The following TCF7L2 variants were observed in gnomAD, a reference collection of about 807,000 sequenced individuals.
TCF7L2 encodes the protein transcription factor 7 like 2.
In TCF7L2, 23 loss-of-function variants were observed where a neutral mutation model predicts 77.9. The observed-to-expected ratio is 0.30, with a 90% CI of 0.21 to 0.42. The LOEUF is 0.42. Among genes scored for constraint, TCF7L2 ranks in the 10% least tolerant of loss-of-function variants. The pLI, the probability that TCF7L2 is intolerant of heterozygous loss-of-function variation, is 1.00. For missense variants in TCF7L2, 654 were observed against 793.1 expected, an observed-to-expected ratio of 0.82 and a Z score of 2.11; for synonymous variants, 413 against 340.2, an observed-to-expected ratio of 1.21 and a Z score of -2.36.
chr10:113,002,167 A>T (rs1381051276), intron 4 of TCF7L2, among the ~76,000 whole-genome samples: 4 of 152,188 alleles, frequency 2.6e-5, no homozygotes, highest in East Asian at 1.9e-4. Context: ...CGGACTTCAT[A>T]CAAAGGTATC....
intron 5 of TCF7L2, among the ~76,000 whole-genome samples, chr10:113,107,571 G>A (rs2062506135): frequency 6.6e-6 from 1 of 151,246 alleles, no homozygotes; most frequent in African/African-American, 2.4e-5. Flanking sequence ...GTGAAACCCT[G>A]TCTCCACTAA....
chr10:113,024,641 CAG>C (rs765727770), intron 4 of TCF7L2, among the ~76,000 whole-genome samples: 156 of 105,538 alleles, frequency 1.5e-3, no homozygotes, highest in Non-Finnish European at 1.4e-3. Context: ...TTTTTTGAGA[CAG>C]AGTTTCACGC....
chr10:113,135,034 G>A lies in TCF7L2; in HGVS notation c.553-6150G>A, dbSNP rs140421402. Among the ~76,000 whole-genome samples, 124 of 152,330 alleles carry A rather than the reference G, an allele frequency of 8.1e-4. 1 individual carries two copies. The highest frequency in any genetic ancestry group is 3.4e-3 in the Middle Eastern group (1 of 294). On this transcript the variant is annotated intron_variant, in intron 5 of 13. Transcript: ENST00000627217. ...CAGTGTCTGTTGATTAATAGGTTGC[G>A]GAGGTGAATGGCAAGCTTTCATTCC...
chr10:113,106,873 G>T (rs290477), intron 5 of TCF7L2, among the ~76,000 whole-genome samples: 43,312 of 152,110 alleles, frequency 0.28, 6,239 homozygotes, highest in Middle Eastern at 0.41. Context: ...ATGATCCTTT[G>T]AAAACAAGTT....
chr10:113,001,068 T>G (rs2044383442), intron 4 of TCF7L2, among the ~76,000 whole-genome samples: 2 of 152,248 alleles, frequency 1.3e-5, no homozygotes, highest in Admixed American at 1.3e-4. Flanking sequence ...TCAGGAATGC[T>G]TCCTGCAACC....
At chr10:113,093,712 T>C (rs369624114) in intron 5 of TCF7L2, among the ~76,000 whole-genome samples, 1 of 152,182 alleles carries the variant, frequency 6.6e-6, no homozygotes, top group East Asian at 1.9e-4. Flanking sequence ...TAGCTATTCA[T>C]GTACATTTTA....
intron 4 of TCF7L2, among the ~76,000 whole-genome samples, chr10:113,000,344 C>T (rs900585584): frequency 2.0e-5 from 3 of 152,180 alleles, no homozygotes; most frequent in African/African-American, 4.8e-5. Flanking sequence ...TTAGACACTA[C>T]TTTGTAGGTT....
At position 112,962,204 on chromosome 10, in the gene TCF7L2, A is replaced by G. The variant is rs559281614; in HGVS notation, c.382-2352A>G. Reference sequence around the variant, plus strand: ...GGTGTCCACTCAATTTTAATTGACAATATAAGATTCCTATGGTAACCCTGT... The same window carrying G: ...GGTGTCCACTCAATTTTAATTGACAGTATAAGATTCCTATGGTAACCCTGT... On this transcript the variant is annotated intron_variant, in intron 3 of 13. Transcript: ENST00000627217. Among the ~76,000 whole-genome samples, 10 of 152,302 alleles carry G rather than the reference A, an allele frequency of 6.6e-5. 1 individual carries two copies. Among genetic ancestry groups the G allele is most frequent in the African/African-American group, 2.4e-4 (10 of 41,564 alleles).
In TCF7L2 at chr10:113,165,732, C is replaced by A. The variant is rs76249005; in HGVS notation, c.1569C>A (p.Pro523=). 6.2e-7 allele frequency: 1 copy of A among 1,612,784 alleles called. No individual in the cohort carries two copies. The highest frequency in any genetic ancestry group is 8.5e-7 in the Non-Finnish European group (1 of 1,179,532). ...AGCCTCTGTCGCTGTCCCTGAAGCCCGACCCCCTGGCCCACCTGTCCATGA... is the reference window on the plus strand; with the variant it reads ...AGCCTCTGTCGCTGTCCCTGAAGCCAGACCCCCTGGCCCACCTGTCCATGA... Residue 523 remains proline (P), a synonymous_variant, in exon 14 of 14, where the codon CCC becomes CCA. Coordinates refer to ENST00000627217, the MANE Select transcript of TCF7L2 (RefSeq NM_001146274.2).
In TCF7L2 at chr10:113,085,621, T is replaced by C. The variant is rs1591502453; in HGVS notation, c.552+45495T>C. Among the ~76,000 whole-genome samples, 4 of 152,350 alleles carry C rather than the reference T, an allele frequency of 2.6e-5. No homozygotes were observed. The South Asian group carries it at 8.3e-4, about 32-fold the overall frequency. ...AGATAATGGAATACACAAATATTAC[T>C]ACGACTTTATGGGTGGCATACCTTG... On this transcript the variant is annotated intron_variant, in intron 5 of 13. Coordinates refer to ENST00000627217, the MANE Select transcript of TCF7L2 (RefSeq NM_001146274.2).
chr10:113,019,495 C>T (rs547571523), intron 4 of TCF7L2, among the ~76,000 whole-genome samples: 43 of 152,272 alleles, frequency 2.8e-4, no homozygotes, highest in Admixed American at 2.0e-3. Flanking sequence ...ATAATTGAAC[C>T]GTTGGGTTTC....
At chr10:113,005,691 C>T (rs2045421560) in intron 4 of TCF7L2, among the ~76,000 whole-genome samples, 1 of 152,050 alleles carries the variant, frequency 6.6e-6, no homozygotes, top group Admixed American at 6.6e-5. Flanking sequence ...GAAAGGTGGT[C>T]TGCAAAGGGG....
At chr10:113,014,358 T>C (rs1262293133) in intron 4 of TCF7L2, among the ~76,000 whole-genome samples, 1 of 152,110 alleles carries the variant, frequency 6.6e-6, no homozygotes, top group African/African-American at 2.4e-5. Context: ...ATTTAGACAG[T>C]TTGGTGGTAG....
intron 13 of TCF7L2, among the ~76,000 whole-genome samples, chr10:113,162,619 G>A (rs2073348731): frequency 6.6e-6 from 1 of 152,162 alleles, no homozygotes; most frequent in African/African-American, 2.4e-5. Context: ...TGCTGCAGAC[G>A]CTGAGCCCCT....
intron 4 of TCF7L2, among the ~76,000 whole-genome samples, chr10:113,009,709 A>C (rs533700318): frequency 6.6e-5 from 10 of 152,210 alleles, no homozygotes; most frequent in Non-Finnish European, 1.2e-4. Context: ...TTAAAGCTGT[A>C]AAGGGCCATT....
chr10:113,144,054 T>C, intron 7 of TCF7L2, 29 bp downstream of exon 7: 2 of 1,573,952 alleles, frequency 1.3e-6, no homozygotes, highest in Non-Finnish European at 1.7e-6. Context: ...TAATTTCCTT[T>C]TTGTTTCTTA....
At chr10:112,980,701 C>T (rs1410980802) in intron 4 of TCF7L2, among the ~76,000 whole-genome samples, 3 of 151,718 alleles carry the variant, frequency 2.0e-5, no homozygotes, top group African/African-American at 7.3e-5. Flanking sequence ...GATCTTGGCT[C>T]ACTGCAAGCT....
chr10:113,027,909 G>A (rs1259910030), intron 4 of TCF7L2, among the ~76,000 whole-genome samples: 1 of 152,190 alleles, frequency 6.6e-6, no homozygotes, highest in Admixed American at 6.5e-5. Flanking sequence ...AATTTGGGGT[G>A]TGGACTTCCT....
At chr10:113,107,593 A>G (rs950770552) in intron 5 of TCF7L2, among the ~76,000 whole-genome samples, 1 of 151,076 alleles carries the variant, frequency 6.6e-6, no homozygotes, top group Admixed American at 6.6e-5. Context: ...AATACAAAAA[A>G]TTAGCCGGGC....
Sources: gnomAD v4.1 joint callset for allele counts (sites outside exome capture counted in the v4.1 genomes callset) on GRCh38, gnomAD v4.1.1 for gene constraint, MANE v1.5 for transcripts, NCBI Gene and HGNC (gene_info 2026-07-23, HGNC 2026-07-21) for gene names.